CDH8: variants seen among roughly 807,000 people sequenced by gnomAD.
CDH8 encodes cadherin-8.
A neutral mutation model predicts 68.1 loss-of-function variants in CDH8; 17 were observed. The observed-to-expected ratio is 0.25, with a 90% CI of 0.17 to 0.37. The LOEUF is 0.37. Ranked by LOEUF, CDH8 falls within the 10% of genes least tolerant of loss-of-function variation. CDH8 has a pLI of 1.00. For missense variants in CDH8, 763 were observed against 999.3 expected (o/e 0.76, Z 3.19); for synonymous variants, 372 against 365.1 (o/e 1.02, Z -0.21).
At chr16:61,848,359 A>C (rs999403086) in intron 4 of CDH8, among the ~76,000 whole-genome samples, 1 of 152,108 alleles carries the variant, frequency 6.6e-6, no homozygotes, top group African/African-American at 2.4e-5. Flanking sequence ...GTTTCTCCAA[A>C]TAGACATTTC....
At chr16:61,954,714 A>AAAAGAAAG (rs1555524384) in intron 2 of CDH8, among the ~76,000 whole-genome samples, 3 of 151,354 alleles carry the variant, frequency 2.0e-5, no homozygotes, top group African/African-American at 4.9e-5. Flanking sequence ...AAAAAAAAAA[A>AAAAGAAAG]AAAGAAAGAA....
chr16:61,718,214 GC>G (rs1407107347), intron 9 of CDH8, among the ~76,000 whole-genome samples: 1 of 151,390 alleles, frequency 6.6e-6, no homozygotes, highest in African/African-American at 2.4e-5. Context: ...ATCCTTGCTT[GC>G]TTTGCTTTAG....
intron 4 of CDH8, among the ~76,000 whole-genome samples, chr16:61,847,570 GTAAT>G (rs1227851041): frequency 8.3e-6 from 1 of 121,166 alleles, no homozygotes; most frequent in African/African-American, 2.8e-5. Flanking sequence ...ATATATATAT[GTAAT>G]TAATATATAA....
chr16:61,933,957 T>C (rs1040575083), intron 2 of CDH8, among the ~76,000 whole-genome samples: 2 of 152,194 alleles, frequency 1.3e-5, no homozygotes, highest in Admixed American at 6.5e-5. Flanking sequence ...AAACCTGCGA[T>C]TGTAGTAATA....
rs1959530933 is a variant in CDH8 at position 61,731,326 on chromosome 16, C to G, written c.1415-4111G>C. ...GCCTTCTAGGAAAAATAACAAATCT[C>G]AAACATTTATCTAGGGAATCATTTC... On this transcript the variant is annotated intron_variant, in intron 8 of 11. Transcript: ENST00000577390. Among the ~76,000 whole-genome samples, 6 of 151,682 alleles carry G rather than the reference C, an allele frequency of 4.0e-5. No homozygotes were observed. In the South Asian group the frequency reaches 1.2e-3, roughly 31 times the overall value.
intron 4 of CDH8, among the ~76,000 whole-genome samples, chr16:61,836,048 A>G (rs1439070113): frequency 5.3e-5 from 8 of 151,960 alleles, no homozygotes; most frequent in African/African-American, 1.4e-4. Context: ...CACAGAGTAT[A>G]ATAGGTACTC....
chr16:61,972,571 GGTGT>G (rs1555525996), intron 2 of CDH8, among the ~76,000 whole-genome samples: 158 of 131,538 alleles, frequency 1.2e-3, no homozygotes, highest in African/African-American at 2.7e-3. Flanking sequence ...ACACATTGTG[GGTGT>G]GTGTGTGTGT....
intron 4 of CDH8, among the ~76,000 whole-genome samples, chr16:61,844,894 A>T (rs952039817): frequency 1.3e-5 from 2 of 152,192 alleles, no homozygotes; most frequent in Non-Finnish European, 2.9e-5. Flanking sequence ...AGACTTTAAA[A>T]GTATGACTTT....
intron 3 of CDH8, among the ~76,000 whole-genome samples, chr16:61,888,110 G>A (rs2143174646): frequency 6.6e-6 from 1 of 152,248 alleles, no homozygotes; most frequent in Admixed American, 6.5e-5. Context: ...CAGCAGATCT[G>A]CAAGCTCACC....
Position 61,647,784 on chromosome 16 carries a change from CT to C in CDH8, c.*5823del. ...TTTGGCTTTGGTGACCTCTCATTTC[CT>C]TTTCTGGTCCTGACCTCTGAGTTCA... is the stretch of plus-strand genomic sequence containing the variant. On this transcript the variant is annotated 3_prime_UTR_variant, in exon 12 of 12. Coordinates refer to ENST00000577390, the MANE Select transcript of CDH8 (RefSeq NM_001796.5). 1.4e-6 allele frequency: 1 copy of C among 699,098 alleles called. No individual in the cohort carries two copies. Among genetic ancestry groups the C allele is most frequent in the South Asian group, 1.5e-5 (1 of 67,456 alleles). 43.3% of individuals were successfully genotyped at this position (699,098 alleles called of 1,614,324 possible).
At chr16:61,739,915 A>ATATATATATATATATTT (rs373723105) in intron 8 of CDH8, among the ~76,000 whole-genome samples, 1 of 109,576 alleles carries the variant, frequency 9.1e-6, no homozygotes, top group Non-Finnish European at 1.8e-5. Context: ...ATATATATGT[A>ATATATATATATATATTT]TTTTTTTTTT....
At chr16:61,848,425 T>C (rs1184778246) in intron 4 of CDH8, among the ~76,000 whole-genome samples, 1 of 152,098 alleles carries the variant, frequency 6.6e-6, no homozygotes, top group Non-Finnish European at 1.5e-5. Flanking sequence ...CAAAAATGGT[T>C]TGTCCAAAGG....
intron 8 of CDH8, among the ~76,000 whole-genome samples, chr16:61,788,777 GA>G (rs1160273733): frequency 6.6e-6 from 1 of 151,620 alleles, no homozygotes; most frequent in African/African-American, 2.4e-5. Flanking sequence ...CAAAATGTAT[GA>G]AAAAAATTAC....
chr16:61,952,097 T>C (rs1964907452), intron 2 of CDH8, among the ~76,000 whole-genome samples: 5 of 152,176 alleles, frequency 3.3e-5, no homozygotes. Flanking sequence ...TGTTGACTAA[T>C]TGTCTGTTAA....
intron 2 of CDH8, among the ~76,000 whole-genome samples, chr16:62,007,432 G>T (rs574104618): frequency 6.6e-6 from 1 of 152,266 alleles, no homozygotes; most frequent in East Asian, 1.9e-4. Context: ...TAGAAAATGT[G>T]TAGGGTTAAA....
chr16:61,821,126 G>T lies in CDH8; in HGVS notation c.836-13C>A. The T allele has an allele frequency of 2.5e-6, 4 of 1,580,456 alleles. No homozygotes were observed. The highest frequency in any genetic ancestry group is 3.4e-6 in the Non-Finnish European group (4 of 1,160,122). Reference sequence around the variant, plus strand: ...AAGTGATACAGGCCTTTAAAAAGAGGAGAAACAATGAGAGTCACACAAATT... The same window carrying T: ...AAGTGATACAGGCCTTTAAAAAGAGTAGAAACAATGAGAGTCACACAAATT... On this transcript the variant is annotated splice_polypyrimidine_tract_variant and intron_variant, in intron 5 of 11. Coordinates refer to ENST00000577390, the MANE Select transcript of CDH8 (RefSeq NM_001796.5).
intron 9 of CDH8, among the ~76,000 whole-genome samples, chr16:61,719,043 G>A (rs115397790): frequency 0.011 from 1,608 of 151,006 alleles, 29 homozygotes; most frequent in African/African-American, 0.034. Flanking sequence ...TATATTGTCT[G>A]GATATTTTTG....
At chr16:61,903,461 T>C (rs898369362) in intron 2 of CDH8, among the ~76,000 whole-genome samples, 3 of 152,160 alleles carry the variant, frequency 2.0e-5, no homozygotes, top group East Asian at 1.9e-4. Context: ...GTAGCTGGGA[T>C]TACAGGCGCC....
At chr16:61,695,846 G>A (rs12325070) in intron 10 of CDH8, among the ~76,000 whole-genome samples, 8,877 of 152,114 alleles carry the variant, frequency 0.058, 904 homozygotes, top group African/African-American at 0.2. Flanking sequence ...TATGATAACC[G>A]AGTTGTGCAG....
Sources: allele counts gnomAD v4.1 joint callset (sites outside exome capture counted in the v4.1 genomes callset), GRCh38; gene constraint gnomAD v4.1.1; transcripts MANE v1.5; gene names NCBI Gene and HGNC (gene_info 2026-07-23, HGNC 2026-07-21).